The following PRCP variants were observed in gnomAD, a reference collection of about 807,000 sequenced individuals.
The protein encoded by PRCP is lysosomal Pro-X carboxypeptidase.
A neutral mutation model predicts 54.2 loss-of-function variants in PRCP; 46 were observed. The observed-to-expected ratio is 0.85, with a 90% CI of 0.67 to 1.09. The LOEUF is 1.09. Ranked by LOEUF, PRCP falls within the 50% of genes least tolerant of loss-of-function variation. The pLI is 0.00. For missense variants in PRCP, 613 were observed against 596.8 expected, an observed-to-expected ratio of 1.03 and a Z score of -0.28; for synonymous variants, 240 against 212.2, an observed-to-expected ratio of 1.13 and a Z score of -1.14.
intron 1 of PRCP, among the ~76,000 whole-genome samples, chr11:82,895,457 C>A (rs1206690542): frequency 2.6e-5 from 4 of 152,190 alleles, no homozygotes; most frequent in Non-Finnish European, 5.9e-5. Context: ...AGCCACCACA[C>A]CCAGCACTAA....
rs756415421 is a variant in PRCP at position 82,839,274 on chromosome 11, C to T, written c.1073G>A (p.Gly358Asp). Residue 358 changes from glycine (G) to aspartate (D), a missense_variant, in exon 7 of 9, where the codon GGT becomes GAT. Coordinates refer to ENST00000313010, the MANE Select transcript of PRCP (RefSeq NM_005040.4). ...ETATSSLGTL[G>D]WSYQACTEVV... Reference sequence around the variant, plus strand: ...ATACATATTTACCTGATAGCTCCAACCCAGTGTTCCCAGACTGCTAGTTGC... The same window carrying T: ...ATACATATTTACCTGATAGCTCCAATCCAGTGTTCCCAGACTGCTAGTTGC... 5.0e-6 allele frequency: 8 copies of T among 1,613,314 alleles called. No individual in the cohort carries two copies. The highest frequency in any genetic ancestry group is 6.8e-6 in the Non-Finnish European group (8 of 1,179,824).
At chr11:82,875,289 T>C (rs1859578080) in intron 1 of PRCP, among the ~76,000 whole-genome samples, 1 of 152,168 alleles carries the variant, frequency 6.6e-6, no homozygotes, top group African/African-American at 2.4e-5. Context: ...GACTCCTGAG[T>C]TGAACTGGAA....
intron 1 of PRCP, among the ~76,000 whole-genome samples, chr11:82,890,263 G>T (rs143685699): frequency 6.6e-6 from 1 of 152,234 alleles, no homozygotes; most frequent in African/African-American, 2.4e-5. Context: ...GAGCATTTCT[G>T]TTCTCTCCCT....
chr11:82,851,777 G>A (rs1000513362), intron 3 of PRCP, among the ~76,000 whole-genome samples: 2 of 151,854 alleles, frequency 1.3e-5, no homozygotes, highest in Admixed American at 1.3e-4. Flanking sequence ...TCCATCATCT[G>A]GCATATTACT....
intron 1 of PRCP, among the ~76,000 whole-genome samples, chr11:82,874,845 C>A (rs113587535): frequency 6.6e-6 from 1 of 152,192 alleles, no homozygotes; most frequent in Non-Finnish European, 1.5e-5. Context: ...CAGCCGTCTA[C>A]CCTGTGAAAT....
At chr11:82,886,868 G>C (rs1227187733) in intron 1 of PRCP, among the ~76,000 whole-genome samples, 1 of 152,156 alleles carries the variant, frequency 6.6e-6, no homozygotes, top group African/African-American at 2.4e-5. Flanking sequence ...ACTGTGTTCT[G>C]TCCCACACCA....
upstream of PRCP, chr11:82,900,596 A>G (rs1171285693): frequency 4.0e-6 from 3 of 746,126 alleles, no homozygotes. Context: ...CCCATCCCCG[A>G]GGACACCGCC....
intron 1 of PRCP, among the ~76,000 whole-genome samples, chr11:82,882,524 C>G (rs1859772269): frequency 7.5e-6 from 1 of 133,152 alleles, no homozygotes; most frequent in Non-Finnish European, 1.5e-5. Flanking sequence ...GAGACGGAGT[C>G]TCGCTCTGTC....
chr11:82,894,885 C>T (rs1158717580), intron 1 of PRCP, among the ~76,000 whole-genome samples: 3 of 152,088 alleles, frequency 2.0e-5, no homozygotes, highest in African/African-American at 7.2e-5. Flanking sequence ...AACACTTTAT[C>T]AACACTTAAA....
intron 1 of PRCP, among the ~76,000 whole-genome samples, chr11:82,896,179 T>C (rs1265860163): frequency 6.6e-6 from 1 of 152,246 alleles, no homozygotes; most frequent in African/African-American, 2.4e-5. Flanking sequence ...GGCTTTCATT[T>C]GTTACGACAC....
chr11:82,844,628 G>A (rs1858757742), intron 6 of PRCP, among the ~76,000 whole-genome samples: 1 of 150,896 alleles, frequency 6.6e-6, no homozygotes, highest in South Asian at 2.1e-4. Flanking sequence ...AGCTACTTGG[G>A]AGGCTAAGGC....
chr11:82,840,560 T>C (rs1858637316), intron 6 of PRCP: 1 of 152,178 alleles, frequency 6.6e-6, no homozygotes, highest in South Asian at 2.1e-4. Context: ...TTATTGAATT[T>C]AGATGTTAGG....
intron 1 of PRCP, among the ~76,000 whole-genome samples, chr11:82,876,902 C>T (rs967618270): frequency 4.6e-5 from 7 of 152,144 alleles, no homozygotes; most frequent in African/African-American, 1.4e-4. Flanking sequence ...GAGGTTGGAA[C>T]AGTTTGGAGG....
chr11:82,889,903 T>C (rs1352563801), intron 1 of PRCP, among the ~76,000 whole-genome samples: 1 of 152,124 alleles, frequency 6.6e-6, no homozygotes, highest in Non-Finnish European at 1.5e-5. Flanking sequence ...ATGGGAGCTG[T>C]ACCGGAGGGG....
intron 1 of PRCP, among the ~76,000 whole-genome samples, chr11:82,878,578 G>A (rs1389970376): frequency 6.6e-6 from 1 of 152,130 alleles, no homozygotes; most frequent in African/African-American, 2.4e-5. Context: ...CTTCCCCATT[G>A]TCATTATGAT....
intron 6 of PRCP, among the ~76,000 whole-genome samples, chr11:82,846,465 G>C (rs149896265): frequency 6.6e-6 from 1 of 151,962 alleles, no homozygotes; most frequent in African/African-American, 2.4e-5. Context: ...ATTACTTCTG[G>C]TGGGGTGCAG....
chr11:82,850,935 T>A (rs1408202448), intron 3 of PRCP, among the ~76,000 whole-genome samples: 2 of 152,066 alleles, frequency 1.3e-5, no homozygotes, highest in African/African-American at 4.8e-5. Flanking sequence ...CCCTTCTTCA[T>A]CGGAAAGATT....
At chr11:82,881,285 C>G in intron 1 of PRCP, among the ~76,000 whole-genome samples, 2 of 152,306 alleles carry the variant, frequency 1.3e-5, no homozygotes, top group Non-Finnish European at 2.9e-5. Flanking sequence ...CATTATGCCC[C>G]GGTGAGTGTA....
intron 1 of PRCP, among the ~76,000 whole-genome samples, chr11:82,867,244 C>A (rs1384758546): frequency 6.6e-6 from 1 of 152,098 alleles, no homozygotes; most frequent in Non-Finnish European, 1.5e-5. Flanking sequence ...TGCTTAGTAA[C>A]CAAATGGGGA....
Sources: allele counts gnomAD v4.1 joint callset (sites outside exome capture counted in the v4.1 genomes callset), GRCh38; gene constraint gnomAD v4.1.1; transcripts MANE v1.5; gene names NCBI Gene and HGNC (gene_info 2026-07-23, HGNC 2026-07-21).